NEB: variants seen among roughly 807,000 people sequenced by gnomAD.
The protein encoded by NEB is nemaline myopathy type 2.
Under a neutral mutation model 952.2 loss-of-function variants are expected in NEB, and 512 were observed. The ratio of observed to expected loss-of-function variants is 0.54; its 90% CI spans 0.50 to 0.58. The LOEUF is 0.58. Among genes scored for constraint, NEB ranks in the 20% least tolerant of loss-of-function variants. The probability of loss-of-function intolerance (pLI) is 0.00; values close to 1 mark genes in which losing one functional copy is unlikely to be tolerated. For missense variants in NEB, 8,428 were observed against 9,231.1 expected (o/e 0.91, Z 3.56); for synonymous variants, 2,900 against 3,149.8 (o/e 0.92, Z 2.66).
At chr2:151,487,929 G>A (rs1240683448) in intron 181 of NEB, among the ~76,000 whole-genome samples, 1 of 152,004 alleles carries the variant, frequency 6.6e-6, no homozygotes, top group Non-Finnish European at 1.5e-5. Flanking sequence ...TAAGTTTTCT[G>A]TTAAAATGTT....
intron 38 of NEB, among the ~76,000 whole-genome samples, chr2:151,670,750 T>C (rs1391445094): frequency 1.3e-5 from 2 of 152,228 alleles, no homozygotes; most frequent in African/African-American, 4.8e-5. Flanking sequence ...TGTTATTTCA[T>C]ATGTATAATG....
At position 151,576,141 on chromosome 2, in the gene NEB, A is replaced by C; in HGVS notation, c.16908+10T>G. 1 of 1,567,502 alleles carries C rather than the reference A, an allele frequency of 6.4e-7. No homozygotes were observed. Reference sequence around the variant, plus strand: ...ATTAATTCAATTTTAATAGAGAAAAACTAACTCACAATACTAATATTTTCA... The same window carrying C: ...ATTAATTCAATTTTAATAGAGAAAACCTAACTCACAATACTAATATTTTCA... On this transcript the variant is annotated intron_variant, in intron 106 of 181. Transcript: ENST00000397345.
chr2:151,518,847 C>CCT (rs1330165122), intron 155 of NEB, 118 bp downstream of exon 155: 1 of 667,040 alleles, frequency 1.5e-6, no homozygotes, highest in African/African-American at 1.8e-5. Context: ...CAAATGAGAA[C>CCT]AGTTTTGTAA....
intron 13 of NEB, among the ~76,000 whole-genome samples, chr2:151,706,140 A>G (rs2099705301): frequency 6.6e-6 from 1 of 152,216 alleles, no homozygotes; most frequent in Non-Finnish European, 1.5e-5. Flanking sequence ...GGGCAGATCC[A>G]TTTATACCCT....
At chr2:151,494,525 C>G (rs2058789301) in intron 173 of NEB, among the ~76,000 whole-genome samples, 1 of 152,194 alleles carries the variant, frequency 6.6e-6, no homozygotes. Flanking sequence ...CATTTTACCG[C>G]TAGTCTCTCA....
At chr2:151,612,105 A>G (rs908616928) in intron 78 of NEB, 81 bp downstream of exon 78, 22 of 1,448,240 alleles carry the variant, frequency 1.5e-5, no homozygotes, top group Non-Finnish European at 1.8e-5. Flanking sequence ...TTTCTCAGGG[A>G]ATCCTTAGGG....
intron 55 of NEB, among the ~76,000 whole-genome samples, chr2:151,644,935 G>A (rs909516019): frequency 3.3e-5 from 5 of 152,146 alleles, no homozygotes; most frequent in Non-Finnish European, 7.4e-5. Flanking sequence ...AGGCTATATG[G>A]TATAGCCTAT....
intron 57 of NEB, 92 bp downstream of exon 57, chr2:151,643,726 T>A: frequency 2.6e-6 from 4 of 1,535,526 alleles, no homozygotes; most frequent in Non-Finnish European, 3.5e-6. Flanking sequence ...TCCAGGGTAA[T>A]TGTGTAAACT....
chr2:151,646,811 G>A (rs530360366), intron 54 of NEB, among the ~76,000 whole-genome samples: 9 of 152,182 alleles, frequency 5.9e-5, no homozygotes, highest in East Asian at 3.9e-4. Flanking sequence ...CACCATACCC[G>A]GCTAATTTTT....
intron 148 of NEB, 27 bp from the exon 149 acceptor site, chr2:151,526,289 C>A (rs377231011): frequency 6.8e-7 from 1 of 1,460,084 alleles, no homozygotes; most frequent in African/African-American, 1.4e-5. Flanking sequence ...AGGGGCATTT[C>A]TTTAGCTCTG....
intron 84 of NEB, among the ~76,000 whole-genome samples, chr2:151,605,409 G>A (rs1303797484): frequency 5.7e-5 from 6 of 106,146 alleles, no homozygotes; most frequent in African/African-American, 1.5e-4. Context: ...CAGGTAGGGA[G>A]AGGTCATACG....
At chr2:151,723,750 G>GTTTTTTTTTTTTTTTTTTTTTTTTTTTT (rs11308757) in intron 8 of NEB, among the ~76,000 whole-genome samples, 9 of 51,378 alleles carry the variant, frequency 1.8e-4, no homozygotes, top group East Asian at 7.5e-4. Flanking sequence ...TGCCTTCTTT[G>GTTTTTTTTTTTTTTTTTTTTTTTTTTTT]TTTTTTTTTT....
At chr2:151,486,249 A>T (rs778492964) in intron 181 of NEB, 2 of 251,662 alleles carry the variant, frequency 7.9e-6, no homozygotes, top group Non-Finnish European at 1.5e-5. Context: ...ACACAAAAGG[A>T]TGCTCAAAAT....
intron 165 of NEB, among the ~76,000 whole-genome samples, chr2:151,505,055 T>C (rs1045141053): frequency 1.8e-4 from 27 of 152,156 alleles, no homozygotes; most frequent in Admixed American, 1.4e-3. Context: ...GTGTCATACA[T>C]ACACACACAC....
In NEB at chr2:151,697,184, T is replaced by C. The variant is rs2149351968; in HGVS notation, c.1434A>G (p.Glu478=). 5 of 1,613,710 alleles carry C rather than the reference T, an allele frequency of 3.1e-6. No individual in the cohort carries two copies. Among genetic ancestry groups the C allele is most frequent in the Non-Finnish European group, 4.2e-6 (5 of 1,179,846 alleles). The part of the protein sequence containing the change: ...KGFFPQTITQ[E]YEAIKKLDQC... ...GATCTAGTTTCTTAATTGCTTCATA[T>C]TCTTGAGTTATGGTCTGAGGGAAGA... The change falls in exon 16 of 182, where the codon GAA becomes GAG. Residue 478 remains glutamate, a synonymous_variant. Transcript: ENST00000397345.
At position 151,692,100 on chromosome 2, in the gene NEB, A is replaced by G; in HGVS notation, c.2065T>C (p.Tyr689His). The G allele has an allele frequency of 1.9e-6, 3 of 1,614,012 alleles. No individual in the cohort carries two copies. The highest frequency in any genetic ancestry group is 2.5e-6 in the Non-Finnish European group (3 of 1,179,878). ...GCAACTTTCATGCAGTGTGTGTGAT[A>G]TGGGTCCTCCATGCTGCCTACATAA... ...GHYVGSMEDPYHTHCMKVAAQ... is the reference protein window; with the variant it reads ...GHYVGSMEDPHHTHCMKVAAQ... Residue 689 changes from tyrosine (Y) to histidine (H), a missense_variant, in exon 22 of 182, where the codon TAT becomes CAT. Physicochemically the swap from Tyr to His is moderately conservative, Grantham distance 83 (BLOSUM62 2). Coordinates refer to ENST00000397345, the MANE Select transcript of NEB (RefSeq NM_001164508.2).
At chr2:151,632,235 T>G (rs1262847409) in intron 65 of NEB, among the ~76,000 whole-genome samples, 2 of 152,214 alleles carry the variant, frequency 1.3e-5, no homozygotes, top group Non-Finnish European at 2.9e-5. Flanking sequence ...GTTTTGAATC[T>G]TTGTTTGGCT....
rs1300625215 is a variant in NEB, at chr2:151,690,839, T to C, written c.2212-14A>G. 3.3e-6 allele frequency: 5 copies of C among 1,517,138 alleles called. No individual in the cohort carries two copies. The highest frequency in any genetic ancestry group is 2.8e-5 in the African/African-American group (2 of 72,726). The allele number at this position is 1,517,138 out of a possible 1,614,324, so 94.0% of individuals were successfully genotyped here. ...TTTGTAGGTATGCTAGAAAAGAAGA[T>C]GTTCTTTAATGAAATATCAGTATAT... is the stretch of plus-strand genomic sequence containing the variant. On this transcript the variant is annotated splice_polypyrimidine_tract_variant and intron_variant, in intron 23 of 181. Coordinates refer to ENST00000397345, the MANE Select transcript of NEB (RefSeq NM_001164508.2).
rs914411333 is a variant in NEB, at chr2:151,674,455, T to C, written c.3987+22A>G. On this transcript the variant is annotated intron_variant, in intron 36 of 181. Coordinates refer to ENST00000397345, the MANE Select transcript of NEB (RefSeq NM_001164508.2). ...TTTTCAAAAAGGCAAACACCTAAAC[T>C]TCACCTAAAATTTGTACTCACATCA... 5.7e-6 allele frequency: 9 copies of C among 1,588,706 alleles called. No homozygotes were observed. In the African/African-American group the frequency reaches 1.1e-4, roughly 19 times the overall value.
Sources: allele counts gnomAD v4.1 joint callset (sites outside exome capture counted in the v4.1 genomes callset), GRCh38; gene constraint gnomAD v4.1.1; transcripts MANE v1.5; gene names NCBI Gene and HGNC (gene_info 2026-07-23, HGNC 2026-07-21).